The following UBR2 variants were observed in gnomAD, a reference collection of about 807,000 sequenced individuals.
UBR2 encodes the protein ubiquitin protein ligase E3 component n-recognin 2.
A neutral mutation model predicts 247.9 loss-of-function variants in UBR2; 92 were observed. That is an observed-to-expected ratio of 0.37 (90% confidence interval 0.31 to 0.44). The LOEUF (loss-of-function observed/expected upper bound fraction) is 0.44, where lower values mean the gene tolerates loss of function less well. UBR2 is among the 20% of genes least tolerant of loss of function. UBR2 has a pLI of 1.00. For missense variants in UBR2, 1,613 were observed against 2,112.6 expected (o/e 0.76, Z 4.64); for synonymous variants, 672 against 693.5 (o/e 0.97, Z 0.49).
chr6:42,608,137 T>G (rs561984775), intron 7 of UBR2, among the ~76,000 whole-genome samples: 44 of 152,302 alleles, frequency 2.9e-4, no homozygotes, highest in African/African-American at 9.6e-4. Context: ...ATACAAAAGT[T>G]TCCCTACGGT....
intron 32 of UBR2, among the ~76,000 whole-genome samples, chr6:42,663,827 C>G (rs1304079402): frequency 5.3e-5 from 8 of 151,966 alleles, no homozygotes; most frequent in African/African-American, 1.9e-4. Context: ...GTTTTAAGAA[C>G]CAGGCAAAAA....
intron 1 of UBR2, among the ~76,000 whole-genome samples, chr6:42,568,841 A>T (rs964585313): frequency 3.9e-5 from 6 of 152,176 alleles, no homozygotes; most frequent in African/African-American, 7.2e-5. Flanking sequence ...TTTGGATTTT[A>T]AAATATTTGC....
intron 8 of UBR2, among the ~76,000 whole-genome samples, chr6:42,612,555 T>G (rs147256432): frequency 3.3e-5 from 5 of 152,350 alleles, no homozygotes; most frequent in Non-Finnish European, 7.3e-5. Flanking sequence ...GTAAAGGACA[T>G]TAATATGCTA....
chr6:42,629,509 T>C (rs908386359), intron 11 of UBR2, among the ~76,000 whole-genome samples: 2 of 151,874 alleles, frequency 1.3e-5, no homozygotes, highest in Non-Finnish European at 2.9e-5. Context: ...GGTAAAAAAT[T>C]AGCCAAGCGT....
At chr6:42,632,451 G>C in intron 11 of UBR2, 101 bp from the exon 12 acceptor site, 2 of 1,063,360 alleles carry the variant, frequency 1.9e-6, no homozygotes, top group Non-Finnish European at 2.6e-6. Flanking sequence ...TGTTGAAAAA[G>C]GTTTAAACTG....
intron 11 of UBR2, among the ~76,000 whole-genome samples, chr6:42,618,212 C>T (rs780419854): frequency 1.3e-5 from 2 of 152,152 alleles, no homozygotes; most frequent in Non-Finnish European, 2.9e-5. Flanking sequence ...TAACAAGAGA[C>T]CTGTCCTTTT....
chr6:42,612,101 A>C, intron 7 of UBR2, 70 bp from the exon 8 acceptor site: 1 of 1,390,548 alleles, frequency 7.2e-7, no homozygotes, highest in Admixed American at 2.2e-5. Flanking sequence ...TTAAGTAAAA[A>C]TAATAACTTT....
At chr6:42,587,161 T>A (rs1033880412) in intron 2 of UBR2, among the ~76,000 whole-genome samples, 23 of 152,018 alleles carry the variant, frequency 1.5e-4, no homozygotes, top group Non-Finnish European at 3.1e-4. Flanking sequence ...CAATTTTTGC[T>A]TTAACACATT....
At chr6:42,675,956 C>CAA in intron 38 of UBR2, 100 bp from the exon 39 acceptor site, 6 of 1,337,214 alleles carry the variant, frequency 4.5e-6, no homozygotes, top group Admixed American at 2.7e-5. Flanking sequence ...GACTCTGTCT[C>CAA]AAAAAAAAAA....
chr6:42,631,160 G>A (rs62414629), intron 11 of UBR2, among the ~76,000 whole-genome samples: 32,324 of 152,034 alleles, frequency 0.21, 3,475 homozygotes, highest in African/African-American at 0.24. Flanking sequence ...CTTGACTTAT[G>A]CGAGGCCTGT....
chr6:42,649,427 C>A (rs572168162), intron 22 of UBR2, among the ~76,000 whole-genome samples: 1 of 152,276 alleles, frequency 6.6e-6, no homozygotes, highest in East Asian at 1.9e-4. Flanking sequence ...ACAGCATTAA[C>A]AAATGTATCT....
At position 42,601,891 on chromosome 6, in the gene UBR2, AT is replaced by A. The variant is rs776005869; in HGVS notation, c.532-1696del. On this transcript the variant is annotated intron_variant, in intron 4 of 46. Coordinates refer to ENST00000372901, the MANE Select transcript of UBR2 (RefSeq NM_001363705.2). ...TTTTTTTTTCTTTTTTTTTTTTTTG[AT>A]GGAGTTTTGCTCTGTTGCCCAGGCT... Among the ~76,000 whole-genome samples the A allele has an allele frequency of 4.6e-3, 344 of 74,720 alleles. 9 individuals are homozygous for A. Among genetic ancestry groups the A allele is most frequent in the Middle Eastern group, 0.01 (1 of 96 alleles). The allele number at this position is 74,720 out of a possible 152,430, so 49.0% of individuals were successfully genotyped here. A position where few individuals can be genotyped will look rare whatever the true frequency, so the allele number is the denominator to read the frequency against.
intron 4 of UBR2, 80 bp downstream of exon 4, chr6:42,594,384 G>A: frequency 8.9e-7 from 1 of 1,119,916 alleles, no homozygotes; most frequent in Non-Finnish European, 1.3e-6. Context: ...TGTGAGAAAT[G>A]GATAAGCAAA....
intron 7 of UBR2, among the ~76,000 whole-genome samples, chr6:42,607,215 T>A (rs1582514267): frequency 6.6e-6 from 1 of 151,698 alleles, no homozygotes; most frequent in South Asian, 2.1e-4. Flanking sequence ...TTGCCCAGGC[T>A]GGAGTGCAGT....
chr6:42,688,584 C>T (rs1330490169), intron 45 of UBR2, among the ~76,000 whole-genome samples, 198 bp downstream of exon 45: 1 of 152,176 alleles, frequency 6.6e-6, no homozygotes, highest in African/African-American at 2.4e-5. Flanking sequence ...TTATTGTTAC[C>T]ATTCCCACTC....
intron 44 of UBR2, among the ~76,000 whole-genome samples, chr6:42,686,636 A>G (rs1436289020): frequency 6.6e-6 from 1 of 152,076 alleles, no homozygotes; most frequent in South Asian, 2.1e-4. Context: ...GAGGCTCCTC[A>G]CTTCCCAGAC....
intron 11 of UBR2, among the ~76,000 whole-genome samples, chr6:42,625,818 CTT>C (rs112761416): frequency 4.9e-5 from 7 of 144,314 alleles, no homozygotes; most frequent in Admixed American, 7.0e-5. Flanking sequence ...TTTTTCCCCC[CTT>C]TTTTTTTTTT....
Position 42,684,830 on chromosome 6 carries a change from A to G in UBR2, c.4812A>G (p.Pro1604=), listed in dbSNP as rs2151994715. Residue 1604 remains proline, a synonymous_variant, in exon 44 of 47, where the codon CCA becomes CCG. Transcript: ENST00000372901. ...AATCTAACAAATTAATAAACCTTCC[A>G]GAGGATTACAGCAGCCTCATTAATC... The part of the protein sequence containing the change: ...PRESNKLINL[P]EDYSSLINQA... The G allele has an allele frequency of 6.2e-7, 1 of 1,612,156 alleles. No individual in the cohort carries two copies. The highest frequency in any genetic ancestry group is 2.2e-5 in the East Asian group (1 of 44,830).
At chr6:42,566,348 G>T (rs968048233) in intron 1 of UBR2, among the ~76,000 whole-genome samples, 1 of 152,170 alleles carries the variant, frequency 6.6e-6, no homozygotes, top group Non-Finnish European at 1.5e-5. Flanking sequence ...ATTTGAGTTT[G>T]TGAAGATCAT....
Sources: gnomAD v4.1 joint callset for allele counts (sites outside exome capture counted in the v4.1 genomes callset) on GRCh38, gnomAD v4.1.1 for gene constraint, MANE v1.5 for transcripts, NCBI Gene and HGNC (gene_info 2026-07-23, HGNC 2026-07-21) for gene names.